The following BRF2 variants were observed in gnomAD, a reference collection of about 807,000 sequenced individuals.
BRF2 encodes transcription factor IIIB 50 kDa subunit.
In BRF2, 17 loss-of-function variants were observed where a neutral mutation model predicts 26.6. The ratio of observed to expected loss-of-function variants is 0.64; its 90% confidence interval spans 0.44 to 0.96. The LOEUF (loss-of-function observed/expected upper bound fraction) is 0.96, where lower values mean the gene tolerates loss of function less well. BRF2 is among the 40% of genes least tolerant of loss of function. The pLI is 0.00. For missense variants in BRF2, 515 were observed against 537.0 expected (o/e 0.96, Z 0.40); for synonymous variants, 219 against 226.6 (o/e 0.97, Z 0.30).
At chr8:37,847,273 C>T in intron 2 of BRF2, 98 bp from the exon 3 acceptor site, 1 of 1,036,902 alleles carries the variant, frequency 9.6e-7, no homozygotes, top group South Asian at 1.3e-5. Context: ...GCTAAACTTG[C>T]CTCAGATATC....
intron 3 of BRF2, among the ~76,000 whole-genome samples, chr8:37,846,005 A>G (rs974931799): frequency 2.6e-5 from 4 of 152,070 alleles, no homozygotes; most frequent in African/African-American, 9.7e-5. Flanking sequence ...ACTCAGACCT[A>G]TTTTCCCCAA....
intron 1 of BRF2, 91 bp from the exon 2 acceptor site, chr8:37,848,746 A>C (rs1187732335): frequency 1.9e-6 from 2 of 1,028,656 alleles, no homozygotes; most frequent in East Asian, 4.9e-5. Context: ...GCAAAATTCA[A>C]ATCATTGAGC....
At position 37,843,284 on chromosome 8, in the gene BRF2, C is replaced by G. The variant is rs905647962; in HGVS notation, c.*1206G>C. Reference sequence around the variant, plus strand: ...CCCTAGTCTCAGCCTTACAACACCACGGGACTAAGGAAGAGCACTTCCTTG... The same window carrying G: ...CCCTAGTCTCAGCCTTACAACACCAGGGGACTAAGGAAGAGCACTTCCTTG... On this transcript the variant is annotated 3_prime_UTR_variant, in exon 4 of 4. Coordinates refer to ENST00000220659, the MANE Select transcript of BRF2 (RefSeq NM_018310.4). 1.3e-5 allele frequency: 2 copies of G among 152,206 alleles called. No individual in the cohort carries two copies. The highest frequency in any genetic ancestry group is 2.9e-5 in the Non-Finnish European group (2 of 68,052). The allele number at this position is 152,206 out of a possible 1,614,324, so 9.4% of individuals were successfully genotyped here. A position where few individuals can be genotyped will look rare whatever the true frequency, so the allele number is the denominator to read the frequency against.
Position 37,844,597 on chromosome 8 carries a change from A to G in BRF2, c.1153T>C (p.Ser385Pro). 1 of 1,614,114 alleles carries G rather than the reference A, an allele frequency of 6.2e-7. No individual in the cohort carries two copies. The highest frequency in any genetic ancestry group is 8.5e-7 in the Non-Finnish European group (1 of 1,180,014). Residue 385 changes from serine to proline, a missense_variant, in exon 4 of 4, where the codon TCT (serine) becomes CCT (proline). Coordinates refer to ENST00000220659, the MANE Select transcript of BRF2 (RefSeq NM_018310.4). ...AAATACTGTTCTATTTCACTATCAG[A>G]AATGTTCTCATCTCCAGTGACAGTG... ...VSTVTGDENI[S>P]DSEIEQYLRT...
Position 37,845,658 on chromosome 8 carries a change from C to G in BRF2, c.537-445G>C, listed in dbSNP as rs978085938. ...ATAGCTACTTCAAATGAGAAAAGAGCCAGGCGCAGTGCTCACGCCTGTAAT... is the reference window on the plus strand; with the variant it reads ...ATAGCTACTTCAAATGAGAAAAGAGGCAGGCGCAGTGCTCACGCCTGTAAT... On this transcript the variant is annotated intron_variant, in intron 3 of 3. Coordinates refer to ENST00000220659, the MANE Select transcript of BRF2 (RefSeq NM_018310.4). The G allele has an allele frequency of 1.4e-5, 10 of 694,614 alleles. No homozygotes were observed. In the East Asian group the frequency reaches 2.7e-4, roughly 19 times the overall value. 43.0% of individuals were successfully genotyped at this position (694,614 alleles called of 1,614,324 possible).
Position 37,843,474 on chromosome 8 carries a change from T to C in BRF2, c.*1016A>G, listed in dbSNP as rs1016034940. ...GCAGGTCATGAGGGGCCTATGCCTT[T>C]ACTCCTTTTAAACACCAGCACCCGT... On this transcript the variant is annotated 3_prime_UTR_variant, in exon 4 of 4. Coordinates refer to ENST00000220659, the MANE Select transcript of BRF2 (RefSeq NM_018310.4). 2 of 152,248 alleles carry C rather than the reference T, an allele frequency of 1.3e-5. No homozygotes were observed. Among genetic ancestry groups the C allele is most frequent in the African/African-American group, 4.8e-5 (2 of 41,440 alleles). 9.4% of individuals were successfully genotyped at this position (152,248 alleles called of 1,614,324 possible). A position where few individuals can be genotyped will look rare whatever the true frequency, so the allele number is the denominator to read the frequency against.
In BRF2 at chr8:37,849,852, A is replaced by G. The variant is rs1007723947; in HGVS notation, c.-69T>C. Reference sequence around the variant, plus strand: ...GGGTCTGCAACAGCAACCGTGAGGCAGCAAGAAGTAGGAGGGGACACTTCA... The same window carrying G: ...GGGTCTGCAACAGCAACCGTGAGGCGGCAAGAAGTAGGAGGGGACACTTCA... On this transcript the variant is annotated 5_prime_UTR_variant, in exon 1 of 4. Coordinates refer to ENST00000220659, the MANE Select transcript of BRF2 (RefSeq NM_018310.4). The G allele has an allele frequency of 2.7e-6, 4 of 1,457,296 alleles. No individual in the cohort carries two copies. Among genetic ancestry groups the G allele is most frequent in the Non-Finnish European group, 2.8e-6 (3 of 1,085,622 alleles). The allele number at this position is 1,457,296 out of a possible 1,614,324, so 90.3% of individuals were successfully genotyped here.
Position 37,843,347 on chromosome 8 carries a change from TG to T in BRF2, c.*1142del, listed in dbSNP as rs1045142045. 4.1e-4 allele frequency: 63 copies of T among 152,378 alleles called. No individual in the cohort carries two copies. Among genetic ancestry groups the T allele is most frequent in the African/African-American group, 1.4e-3 (59 of 41,580 alleles). The allele number at this position is 152,378 out of a possible 1,614,324, so 9.4% of individuals were successfully genotyped here. A position where few individuals can be genotyped will look rare whatever the true frequency, so the allele number is the denominator to read the frequency against. On this transcript the variant is annotated 3_prime_UTR_variant, in exon 4 of 4. Transcript: ENST00000220659. ...CAGAGGAAGAACCATCCCAATCATT[TG>T]ATCTCCAGCTCCACAGTAGAGAGAA...
At chr8:37,845,617 G>C (rs1039320511) in intron 3 of BRF2, 6 of 673,350 alleles carry the variant, frequency 8.9e-6, no homozygotes, top group Non-Finnish European at 1.6e-5. Context: ...TTATTTATCA[G>C]AAAAAAGAAA....
At position 37,845,129 on chromosome 8, in the gene BRF2, C is replaced by A; in HGVS notation, c.621G>T (p.Leu207Phe). The stretch of plus-strand genomic sequence containing the variant: ...GCCACGTCTCATTTGCCAGCTCCAC[C>A]AACTGCATTGTTCGAGACAGCATCT... ...KEKMLSRTMQ[L>F]VELANETWLV... Residue 207 changes from leucine (L) to phenylalanine (F), a missense_variant, in exon 4 of 4, where the codon TTG becomes TTT. Leu to Phe is a conservative substitution (Grantham distance 22, BLOSUM62 0). Transcript: ENST00000220659. 5.6e-6 allele frequency: 9 copies of A among 1,613,770 alleles called. No homozygotes were observed. The highest frequency in any genetic ancestry group is 7.6e-6 in the Non-Finnish European group (9 of 1,179,958).
At chr8:37,849,316 G>A (rs1389581539) in intron 1 of BRF2, among the ~76,000 whole-genome samples, 3 of 152,152 alleles carry the variant, frequency 2.0e-5, no homozygotes, top group African/African-American at 7.2e-5. Context: ...ACTATTTCAG[G>A]GTAATAATAC....
At position 37,847,050 on chromosome 8, in the gene BRF2, T is replaced by C; in HGVS notation, c.340A>G (p.Lys114Glu). Residue 114 changes from lysine to glutamate, a missense_variant, in exon 3 of 4, where the codon AAG becomes GAG. Physicochemically the swap from Lys to Glu is moderately conservative, Grantham distance 56. Transcript: ENST00000220659. ...ACGCAGCACCCAACCAACACCTCCTTCTTTTGCAGCCTGGCCGCTCGGATG... is the reference window on the plus strand; with the variant it reads ...ACGCAGCACCCAACCAACACCTCCTCCTTTTGCAGCCTGGCCGCTCGGATG... ...SGIRAARLQK[K>E]EVLVGCCVLI... 1 of 1,614,186 alleles carries C rather than the reference T, an allele frequency of 6.2e-7. No individual in the cohort carries two copies. Among genetic ancestry groups the C allele is most frequent in the Non-Finnish European group, 8.5e-7 (1 of 1,180,028 alleles).
intron 3 of BRF2, chr8:37,845,727 A>T (rs1005002308): frequency 2.6e-5 from 18 of 699,242 alleles, no homozygotes; most frequent in Non-Finnish European, 4.2e-5. Flanking sequence ...GCTTGAGCCC[A>T]TGAGTTCCAG....
rs761330821 is a variant in BRF2, at chr8:37,844,824, C to T, written c.926G>A (p.Arg309His). 48 of 1,614,056 alleles carry T rather than the reference C, an allele frequency of 3.0e-5. No individual in the cohort carries two copies. Among genetic ancestry groups the T allele is most frequent in the Middle Eastern group, 1.6e-4 (1 of 6,084 alleles). Residue 309 changes from arginine (R) to histidine (H), a missense_variant, in exon 4 of 4, where the codon CGC (arginine) becomes CAC (histidine). Physicochemically the swap from Arg to His is conservative, Grantham distance 29. Transcript: ENST00000220659. ...TGCTGTCCCATCCCGAAAGGCAGAGCGGACCAGTGACTGGCGGTGCTGGAG... is the reference window on the plus strand; with the variant it reads ...TGCTGTCCCATCCCGAAAGGCAGAGTGGACCAGTGACTGGCGGTGCTGGAG... ...DLLQHRQSLV[R>H]SAFRDGTAEV...
Position 37,844,412 on chromosome 8 carries a change from G to A in BRF2, c.*78C>T. 1 of 1,550,670 alleles carries A rather than the reference G, an allele frequency of 6.4e-7. No homozygotes were observed. Among genetic ancestry groups the A allele is most frequent in the Non-Finnish European group, 8.8e-7 (1 of 1,141,516 alleles). ...AGAAAAGCAATACCTACGGACTGGT[G>A]TACACTTCCATCCTTGGTTATAACA... On this transcript the variant is annotated 3_prime_UTR_variant, in exon 4 of 4. Transcript: ENST00000220659.
At chr8:37,849,092 A>T (rs556832988) in intron 1 of BRF2, among the ~76,000 whole-genome samples, 70 of 152,052 alleles carry the variant, frequency 4.6e-4, no homozygotes, top group Middle Eastern at 6.8e-3. Context: ...CTGGCTAATT[A>T]AAAAAAAATT....
chr8:37,847,344 A>G, intron 2 of BRF2, 169 bp from the exon 3 acceptor site: 1 of 706,630 alleles, frequency 1.4e-6, no homozygotes, highest in Non-Finnish European at 2.6e-6. Context: ...TAGTCATTCT[A>G]AAGACACAAA....
Position 37,844,824 on chromosome 8 carries a change from C to G in BRF2, c.926G>C (p.Arg309Pro). ...DLLQHRQSLV[R>P]SAFRDGTAEV... ...TGCTGTCCCATCCCGAAAGGCAGAGCGGACCAGTGACTGGCGGTGCTGGAG... is the reference window on the plus strand; with the variant it reads ...TGCTGTCCCATCCCGAAAGGCAGAGGGGACCAGTGACTGGCGGTGCTGGAG... Residue 309 changes from arginine to proline, a missense_variant, in exon 4 of 4, where the codon CGC (arginine) becomes CCC (proline). Transcript: ENST00000220659. The G allele has an allele frequency of 6.2e-7, 1 of 1,614,174 alleles. No individual in the cohort carries two copies. The highest frequency in any genetic ancestry group is 2.2e-5 in the East Asian group (1 of 44,874).
At position 37,844,595 on chromosome 8, in the gene BRF2, A is replaced by G. The variant is rs767314999; in HGVS notation, c.1155T>C (p.Ser385=). 4.3e-6 allele frequency: 7 copies of G among 1,614,150 alleles called. No homozygotes were observed. Among genetic ancestry groups the G allele is most frequent in the Non-Finnish European group, 5.9e-6 (7 of 1,180,024 alleles). Residue 385 remains serine (S), a synonymous_variant, in exon 4 of 4, where the codon TCT becomes TCC. Coordinates refer to ENST00000220659, the MANE Select transcript of BRF2 (RefSeq NM_018310.4). The stretch of plus-strand genomic sequence containing the variant: ...GCAAATACTGTTCTATTTCACTATC[A>G]GAAATGTTCTCATCTCCAGTGACAG... The part of the protein sequence containing the change: ...VSTVTGDENI[S]DSEIEQYLRT...
Sources: gnomAD v4.1 joint callset for allele counts (sites outside exome capture counted in the v4.1 genomes callset) on GRCh38, gnomAD v4.1.1 for gene constraint, MANE v1.5 for transcripts, NCBI Gene and HGNC (gene_info 2026-07-23, HGNC 2026-07-21) for gene names.